The following CAPN3 variants were observed in gnomAD, a reference collection of about 807,000 sequenced individuals.
CAPN3 encodes calpain-3.
A neutral mutation model predicts 114.0 loss-of-function variants in CAPN3; 88 were observed. That is an observed-to-expected ratio of 0.77 (90% CI 0.65 to 0.92). CAPN3 has a LOEUF of 0.92. CAPN3 is among the 40% of genes least tolerant of loss of function. CAPN3 has a pLI of 0.00. For synonymous variants in CAPN3, 386 were observed against 382.9 expected, an observed-to-expected ratio of 1.01 and a Z score of -0.09; for missense variants, 1,028 against 1,069.0, an observed-to-expected ratio of 0.96 and a Z score of 0.53.
At chr15:42,385,706 G>T (rs780168324) in intron 2 of CAPN3, 7 of 520,688 alleles carry the variant, frequency 1.3e-5, no homozygotes, top group East Asian at 1.1e-4. Context: ...TGCCTACCTG[G>T]CCTTCCTTCC....
chr15:42,402,104 C>T lies in CAPN3; in HGVS notation c.1525-20C>T. 1 of 1,614,114 alleles carries T rather than the reference C, an allele frequency of 6.2e-7. No homozygotes were observed. Among genetic ancestry groups the T allele is most frequent in the East Asian group, 2.2e-5 (1 of 44,880 alleles). ...TCCTCATTCACATCTGAAGCATCTTCCTTTCTGTTTCTTCTCAAGGTTCCC... is the reference window on the plus strand; with the variant it reads ...TCCTCATTCACATCTGAAGCATCTTTCTTTCTGTTTCTTCTCAAGGTTCCC... On this transcript the variant is annotated intron_variant, in intron 11 of 23. Transcript: ENST00000397163.
At chr15:42,404,312 T>A (rs762108527) in intron 14 of CAPN3, 11 of 456,428 alleles carry the variant, frequency 2.4e-5, no homozygotes, top group Admixed American at 9.4e-5. Context: ...ATGTGAAGTG[T>A]CTGGCACAGC....
intron 14 of CAPN3, among the ~76,000 whole-genome samples, chr15:42,404,615 C>T (rs983064840): frequency 6.6e-5 from 10 of 152,248 alleles, no homozygotes; most frequent in African/African-American, 2.2e-4. Context: ...GTCCGAAGCA[C>T]AGAGTGCTGT....
At chr15:42,382,919 C>G (rs2053288270) in intron 1 of CAPN3, among the ~76,000 whole-genome samples, 1 of 152,080 alleles carries the variant, frequency 6.6e-6, no homozygotes, top group East Asian at 1.9e-4. Context: ...AATTTTGGCT[C>G]TTAATTATTT....
Position 42,389,280 on chromosome 15 carries a change from C to T in CAPN3, c.801+184C>T, listed in dbSNP as rs945683158. On this transcript the variant is annotated intron_variant, in intron 5 of 23. Transcript: ENST00000397163. The stretch of plus-strand genomic sequence containing the variant: ...AGGGAGAACAGTTCTTCCGGATTTT[C>T]AATAAAGACACTGGTCAAGGACATT... 5.9e-5 allele frequency among the ~76,000 whole-genome samples: 9 copies of T among 152,282 alleles called. No homozygotes were observed. The South Asian group carries it at 6.2e-4, about 11-fold the overall frequency.
intron 1 of CAPN3, among the ~76,000 whole-genome samples, chr15:42,362,982 G>A (rs911561064): frequency 1.3e-5 from 2 of 151,810 alleles, no homozygotes; most frequent in Admixed American, 6.6e-5. Context: ...ATTTTTTTTC[G>A]ACCATCAAGT....
intron 1 of CAPN3, among the ~76,000 whole-genome samples, chr15:42,381,870 T>C (rs1258512456): frequency 6.6e-6 from 1 of 152,158 alleles, no homozygotes; most frequent in Non-Finnish European, 1.5e-5. Context: ...AATAACGAAA[T>C]ACTGACTACT....
rs146069933 is a variant in CAPN3, at chr15:42,359,988, C to T, written c.183C>T (p.Phe61=). ...FPIIGVKEKT[F]EQLHKKCLEK... is the part of the protein sequence containing the mutation. Reference sequence around the variant, plus strand: ...TTATCGGAGTGAAAGAGAAGACATTCGAGCAACTTCACAAGAAATGTCTAG... The same window carrying T: ...TTATCGGAGTGAAAGAGAAGACATTTGAGCAACTTCACAAGAAATGTCTAG... The change falls in exon 1 of 24, where the codon TTC becomes TTT. Residue 61 remains phenylalanine (F), a synonymous_variant. Coordinates refer to ENST00000397163, the MANE Select transcript of CAPN3 (RefSeq NM_000070.3). 124 of 1,614,202 alleles carry T rather than the reference C, an allele frequency of 7.7e-5. 1 individual carries two copies. In the Middle Eastern group the frequency reaches 2.3e-3, roughly 30 times the overall value.
intron 1 of CAPN3, among the ~76,000 whole-genome samples, chr15:42,377,109 C>A (rs571517378): frequency 6.6e-5 from 10 of 151,832 alleles, no homozygotes; most frequent in African/African-American, 2.2e-4. Flanking sequence ...ATTGTGTCAT[C>A]TGTAAATAAA....
At chr15:42,371,368 T>A (rs2052943339) in intron 1 of CAPN3, among the ~76,000 whole-genome samples, 1 of 152,114 alleles carries the variant, frequency 6.6e-6, no homozygotes, top group African/African-American at 2.4e-5. Flanking sequence ...GACTCAGCAG[T>A]TTAATGCTGA....
intron 2 of CAPN3, 28 bp from the exon 3 acceptor site, chr15:42,386,139 A>T: frequency 6.6e-7 from 1 of 1,521,328 alleles, no homozygotes; most frequent in Non-Finnish European, 9.1e-7. Flanking sequence ...AGGAGTGCTC[A>T]CGATCTGTGC....
intron 23 of CAPN3, 114 bp downstream of exon 23, chr15:42,411,459 A>G: frequency 9.9e-7 from 1 of 1,010,708 alleles, no homozygotes; most frequent in Non-Finnish European, 1.6e-6. Flanking sequence ...GGTGGAGGGA[A>G]GGGATAGGAA....
intron 1 of CAPN3, among the ~76,000 whole-genome samples, chr15:42,363,213 T>C (rs2141109572): frequency 6.6e-6 from 1 of 152,340 alleles, no homozygotes; most frequent in East Asian, 1.9e-4. Flanking sequence ...ACATCATGCA[T>C]TGAGTTTCCA....
intron 1 of CAPN3, among the ~76,000 whole-genome samples, chr15:42,373,244 A>G (rs1040245494): frequency 1.3e-5 from 2 of 152,224 alleles, no homozygotes; most frequent in Non-Finnish European, 2.9e-5. Context: ...TTTAGTGGAC[A>G]TAAGACTCTC....
chr15:42,382,943 A>G (rs1595816154), intron 1 of CAPN3, among the ~76,000 whole-genome samples: 1 of 152,192 alleles, frequency 6.6e-6, no homozygotes, highest in African/African-American at 2.4e-5. Flanking sequence ...ACTTTACATG[A>G]TTCCTAAGTC....
chr15:42,389,594 G>A (rs1441142002), intron 5 of CAPN3, among the ~76,000 whole-genome samples: 1 of 152,202 alleles, frequency 6.6e-6, no homozygotes, highest in Non-Finnish European at 1.5e-5. Context: ...GTAGGGAGAT[G>A]GCCGCCCATG....
At position 42,396,852 on chromosome 15, in the gene CAPN3, C is replaced by A. The variant is rs567188857; in HGVS notation, c.1168C>A (p.Gln390Lys). The A allele has an allele frequency of 2.5e-6, 4 of 1,613,932 alleles. No homozygotes were observed. The South Asian group carries it at 4.4e-5, about 18-fold the overall frequency. ...AGATGAGAAGGCCCGTCTGCAGCAC[C>A]AGGTCACTGAGGATGGAGAGTTCTG... Reference protein sequence around the residue: ...DKDEKARLQHQVTEDGEFWMS... With the variant: ...DKDEKARLQHKVTEDGEFWMS... Residue 390 changes from glutamine (Q) to lysine (K), a missense_variant, in exon 9 of 24, where the codon CAG becomes AAG. Transcript: ENST00000397163.
At chr15:42,380,730 T>TAC (rs2053221784) in intron 1 of CAPN3, among the ~76,000 whole-genome samples, 1 of 64,514 alleles carries the variant, frequency 1.6e-5, no homozygotes, top group Non-Finnish European at 2.9e-5. Flanking sequence ...ACCTTCCCCA[T>TAC]ATATATATAT....
Position 42,410,606 on chromosome 15 carries a change from GAC to G in CAPN3, c.2207_2208del (p.Thr736ArgfsTer28), listed in dbSNP as rs587780289. 3 of 1,614,050 alleles carry G rather than the reference GAC, an allele frequency of 1.9e-6. No homozygotes were observed. Among genetic ancestry groups the G allele is most frequent in the Admixed American group, 1.7e-5 (1 of 60,004 alleles). ...TTGCCAGAAAATTTTCAAACACTAT[GAC>G]ACAGACCAGTCCGGCACCATCAACA... ...KAWQKIFKHY[D>X]TDQSGTINSY... On this transcript the variant is annotated frameshift_variant, in exon 21 of 24. Coordinates refer to ENST00000397163, the MANE Select transcript of CAPN3 (RefSeq NM_000070.3). LOFTEE classifies it high-confidence loss of function.
Sources: allele counts gnomAD v4.1 joint callset (sites outside exome capture counted in the v4.1 genomes callset), GRCh38; gene constraint gnomAD v4.1.1; transcripts MANE v1.5; gene names NCBI Gene and HGNC (gene_info 2026-07-23, HGNC 2026-07-21).